The following CATSPERE variants were observed in gnomAD, a reference collection of about 807,000 sequenced individuals.
The protein encoded by CATSPERE is catsper channel auxiliary subunit epsilon, also known as cation channel sperm-associated auxiliary subunit epsilon.
In CATSPERE, 93 loss-of-function variants were observed where a neutral mutation model predicts 114.1. The observed-to-expected ratio is 0.81, with a 90% confidence interval of 0.69 to 0.97. CATSPERE has a LOEUF of 0.97. Ranked by LOEUF, CATSPERE falls within the 50% of genes least tolerant of loss-of-function variation. The pLI is 0.00. For synonymous variants in CATSPERE, 341 were observed against 384.1 expected (o/e 0.89, Z 1.31); for missense variants, 1,058 against 1,131.6 (o/e 0.93, Z 0.93).
At chr1:244,581,734 A>G (rs918433379) in intron 11 of CATSPERE, 62 bp from the exon 12 acceptor site, 1 of 709,294 alleles carries the variant, frequency 1.4e-6, no homozygotes, top group Admixed American at 2.4e-5. Flanking sequence ...ATATGCTACT[A>G]AAGTGGGATC....
chr1:244,563,286 G>T (rs1408700452), intron 10 of CATSPERE, among the ~76,000 whole-genome samples: 1 of 152,202 alleles, frequency 6.6e-6, no homozygotes, highest in Non-Finnish European at 1.5e-5. Flanking sequence ...ACCCAGTAAT[G>T]GGATTGCTCA....
chr1:244,479,360 T>A (rs1669900043), intron 4 of CATSPERE, among the ~76,000 whole-genome samples: 1 of 152,126 alleles, frequency 6.6e-6, no homozygotes, highest in Non-Finnish European at 1.5e-5. Flanking sequence ...CCCAAAGTGC[T>A]GGGATTACAG....
At chr1:244,538,197 C>T (rs1487890470) in intron 8 of CATSPERE, among the ~76,000 whole-genome samples, 1 of 152,098 alleles carries the variant, frequency 6.6e-6, no homozygotes, top group Non-Finnish European at 1.5e-5. Context: ...AAAAGTTACA[C>T]GGCTTATTGA....
intron 17 of CATSPERE, among the ~76,000 whole-genome samples, chr1:244,601,596 T>G (rs1159390359): frequency 2.0e-5 from 3 of 152,122 alleles, no homozygotes; most frequent in Admixed American, 6.5e-5. Flanking sequence ...GGGGGTCAGA[T>G]GATTAGCCAT....
chr1:244,586,571 C>T (rs919157887), intron 13 of CATSPERE, among the ~76,000 whole-genome samples: 3 of 152,178 alleles, frequency 2.0e-5, no homozygotes, highest in African/African-American at 7.2e-5. Context: ...TGCACTCCCA[C>T]TGTGAAGCAT....
intron 2 of CATSPERE, among the ~76,000 whole-genome samples, chr1:244,468,491 C>T (rs1667968340): frequency 7.2e-5 from 11 of 152,104 alleles, no homozygotes. Flanking sequence ...TAAATGACCA[C>T]CAAAACAGCT....
chr1:244,555,036 C>A (rs935161719), intron 9 of CATSPERE, among the ~76,000 whole-genome samples: 11 of 152,152 alleles, frequency 7.2e-5, no homozygotes, highest in Non-Finnish European at 1.6e-4. Context: ...ACCATATGAT[C>A]CTCTCAATAG....
chr1:244,540,107 A>T (rs1365309989), intron 8 of CATSPERE, among the ~76,000 whole-genome samples: 9 of 151,254 alleles, frequency 6.0e-5, no homozygotes, highest in African/African-American at 9.7e-5. Flanking sequence ...CAAGACAGGG[A>T]TGCCCTCTCT....
At chr1:244,600,774 A>G (rs1669098571) in intron 17 of CATSPERE, among the ~76,000 whole-genome samples, 1 of 151,850 alleles carries the variant, frequency 6.6e-6, no homozygotes, top group Non-Finnish European at 1.5e-5. Flanking sequence ...ATCCAGAGAT[A>G]TAGGATCCTC....
intron 13 of CATSPERE, among the ~76,000 whole-genome samples, chr1:244,588,166 C>G (rs942057658): frequency 2.1e-5 from 3 of 140,796 alleles, no homozygotes; most frequent in South Asian, 2.2e-4. Context: ...TGCACTCCAG[C>G]CTGAGCGACA....
intron 19 of CATSPERE, among the ~76,000 whole-genome samples, chr1:244,613,256 C>T (rs754364260): frequency 5.3e-5 from 8 of 152,030 alleles, no homozygotes; most frequent in African/African-American, 1.9e-4. Context: ...GAACCCTTCA[C>T]CAAAAAATAT....
At chr1:244,490,319 T>C (rs572947405) in intron 5 of CATSPERE, 128 bp from the exon 6 acceptor site, 2 of 571,376 alleles carry the variant, frequency 3.5e-6, no homozygotes, top group Non-Finnish European at 6.1e-6. Context: ...AGCCTTTAAT[T>C]TTATATACCG....
intron 7 of CATSPERE, among the ~76,000 whole-genome samples, chr1:244,499,416 G>A (rs1449423086): frequency 4.0e-5 from 6 of 151,872 alleles, no homozygotes; most frequent in African/African-American, 1.5e-4. Flanking sequence ...ATGGTAGTTT[G>A]CTGCACCTAT....
chr1:244,597,214 C>G (rs944168066), intron 17 of CATSPERE, among the ~76,000 whole-genome samples: 7 of 152,176 alleles, frequency 4.6e-5, no homozygotes, highest in African/African-American at 1.7e-4. Context: ...CTCTCTTGAC[C>G]CTACTAGCCC....
chr1:244,465,865 T>G (rs1401845768), intron 2 of CATSPERE, among the ~76,000 whole-genome samples: 1 of 152,210 alleles, frequency 6.6e-6, no homozygotes, highest in African/African-American at 2.4e-5. Context: ...AAGAATGATG[T>G]AGCCCTCCAG....
At chr1:244,477,860 A>G (rs775070062) in intron 3 of CATSPERE, 46 bp from the exon 4 acceptor site, 2 of 1,383,070 alleles carry the variant, frequency 1.4e-6, no homozygotes, top group African/African-American at 1.5e-5. Flanking sequence ...TTTTATTAAT[A>G]TCATATGCAC....
At chr1:244,475,522 C>G (rs12081877) in intron 2 of CATSPERE, among the ~76,000 whole-genome samples, 22,375 of 149,298 alleles carry the variant, frequency 0.15, 1,813 homozygotes, top group Middle Eastern at 0.2. Context: ...GTGTGAGCCA[C>G]TGCACCTGGC....
intron 5 of CATSPERE, among the ~76,000 whole-genome samples, chr1:244,489,311 G>C (rs1671568016): frequency 6.6e-6 from 1 of 151,988 alleles, no homozygotes; most frequent in Admixed American, 6.6e-5. Context: ...CATGCTAAAA[G>C]ACAAATTTCT....
intron 2 of CATSPERE, among the ~76,000 whole-genome samples, chr1:244,472,350 G>T (rs939493544): frequency 6.6e-6 from 1 of 152,128 alleles, no homozygotes; most frequent in Non-Finnish European, 1.5e-5. Context: ...AATACATTTT[G>T]GCTTGAATTC....
Sources: allele counts gnomAD v4.1 joint callset (sites outside exome capture counted in the v4.1 genomes callset), GRCh38; gene constraint gnomAD v4.1.1; transcripts MANE v1.5; gene names NCBI Gene and HGNC (gene_info 2026-07-23, HGNC 2026-07-21).